Variants in ADGRB3 observed in about 807,000 individuals in gnomAD.
The protein encoded by ADGRB3 is brain-specific angiogenesis inhibitor 3.
A neutral mutation model predicts 193.4 loss-of-function variants in ADGRB3; 37 were observed. That is an observed-to-expected ratio of 0.19 (90% confidence interval 0.15 to 0.25). The LOEUF is 0.25. ADGRB3 is among the 10% of genes least tolerant of loss of function. ADGRB3 has a pLI of 1.00. For missense variants in ADGRB3, 1,637 were observed against 1,852.9 expected (o/e 0.88, Z 2.14); for synonymous variants, 690 against 644.2 (o/e 1.07, Z -1.08).
intron 3 of ADGRB3, among the ~76,000 whole-genome samples, chr6:68,919,692 T>C (rs192000856): frequency 3.4e-4 from 52 of 152,058 alleles, no homozygotes; most frequent in South Asian, 1.5e-3. Flanking sequence ...TCAAGAACGG[T>C]TGTGGGATGG....
At chr6:68,945,648 T>A (rs956455792) in intron 6 of ADGRB3, among the ~76,000 whole-genome samples, 1 of 152,112 alleles carries the variant, frequency 6.6e-6, no homozygotes, top group Admixed American at 6.6e-5. Flanking sequence ...AAATACTTTT[T>A]TGTTACTTCT....
intron 1 of ADGRB3, 41 bp from the exon 2 acceptor site, chr6:68,637,350 C>T (rs1767982736): frequency 6.6e-6 from 1 of 152,602 alleles, no homozygotes; most frequent in Admixed American, 6.5e-5. Context: ...CATGAAAACT[C>T]TTAACTATCT....
At chr6:69,347,461 G>GTTGT (rs1194489177) in intron 26 of ADGRB3, among the ~76,000 whole-genome samples, 1 of 151,976 alleles carries the variant, frequency 6.6e-6, no homozygotes, top group African/African-American at 2.4e-5. Context: ...AGATTTTTTT[G>GTTGT]TTGTTTCATT....
At chr6:68,669,604 TTGTGTGTGTGTGTGTGTG>T (rs59849376) in intron 3 of ADGRB3, among the ~76,000 whole-genome samples, 54 of 134,752 alleles carry the variant, frequency 4.0e-4, no homozygotes, top group African/African-American at 7.8e-4. Flanking sequence ...TAATACTCCA[TTGTGTGTGTGTGTGTGTG>T]TGTGTGTGTG....
intron 3 of ADGRB3, among the ~76,000 whole-genome samples, chr6:68,852,424 C>G (rs1034950561): frequency 6.6e-6 from 1 of 151,846 alleles, no homozygotes; most frequent in African/African-American, 2.4e-5. Context: ...AACAAAAATG[C>G]TCAAATTATT....
intron 12 of ADGRB3, among the ~76,000 whole-genome samples, chr6:69,014,864 T>G (rs1770044475): frequency 6.6e-6 from 1 of 151,964 alleles, no homozygotes; most frequent in Non-Finnish European, 1.5e-5. Context: ...GAATGAACAT[T>G]TACTGAGGTT....
chr6:68,744,825 G>A (rs1250517017), intron 3 of ADGRB3, among the ~76,000 whole-genome samples: 12 of 151,992 alleles, frequency 7.9e-5, no homozygotes, highest in Admixed American at 5.9e-4. Context: ...ACCATGGCAC[G>A]TGTATACCTA....
At chr6:69,017,188 C>T (rs1770117275) in intron 12 of ADGRB3, among the ~76,000 whole-genome samples, 1 of 151,882 alleles carries the variant, frequency 6.6e-6, no homozygotes, top group Admixed American at 6.6e-5. Flanking sequence ...GTAGATACTG[C>T]CTGATTTTTA....
intron 3 of ADGRB3, among the ~76,000 whole-genome samples, chr6:68,741,702 C>T (rs932143565): frequency 1.3e-5 from 2 of 152,190 alleles, no homozygotes; most frequent in Non-Finnish European, 2.9e-5. Context: ...TTCTTAACCA[C>T]TGTTTGTTAC....
chr6:68,960,763 G>C (rs557933309), intron 8 of ADGRB3, among the ~76,000 whole-genome samples: 8 of 152,220 alleles, frequency 5.3e-5, no homozygotes, highest in Middle Eastern at 3.4e-3. Flanking sequence ...ATCATCCAGA[G>C]AGCTTGTTAA....
intron 20 of ADGRB3, among the ~76,000 whole-genome samples, chr6:69,274,467 TC>T (rs774458873): frequency 1.4e-5 from 2 of 145,056 alleles, no homozygotes; most frequent in Non-Finnish European, 3.0e-5. Context: ...CTTCCTTCCT[TC>T]CTTCCTTCCT....
At chr6:68,819,177 A>T (rs1279308608) in intron 3 of ADGRB3, among the ~76,000 whole-genome samples, 1 of 151,932 alleles carries the variant, frequency 6.6e-6, no homozygotes, top group African/African-American at 2.4e-5. Context: ...TGTTAGTTAG[A>T]TGTATCCTCC....
intron 13 of ADGRB3, among the ~76,000 whole-genome samples, chr6:69,031,043 TCTCTTCTCTTCTC>T (rs1413257112): frequency 1.3e-4 from 1 of 7,536 alleles, no homozygotes. Context: ...TCTTCTCTCT[TCTCTTCTCTTCTC>T]TTCTCTTCTC....
intron 20 of ADGRB3, among the ~76,000 whole-genome samples, chr6:69,299,827 C>G (rs529322427): frequency 1.1e-4 from 17 of 151,900 alleles, no homozygotes; most frequent in African/African-American, 4.1e-4. Flanking sequence ...ATACCTCCAG[C>G]TTTCTTCTTT....
intron 3 of ADGRB3, among the ~76,000 whole-genome samples, chr6:68,896,001 T>C (rs1308089408): frequency 6.6e-6 from 1 of 151,976 alleles, no homozygotes; most frequent in South Asian, 2.1e-4. Context: ...CAATTTCACA[T>C]GGGGAAATTA....
chr6:69,370,993 G>A (rs529104062), intron 29 of ADGRB3, among the ~76,000 whole-genome samples: 2 of 152,098 alleles, frequency 1.3e-5, no homozygotes, highest in African/African-American at 4.8e-5. Flanking sequence ...CTCAATGCCT[G>A]GATGTCACCA....
intron 3 of ADGRB3, among the ~76,000 whole-genome samples, chr6:68,861,917 G>T (rs981429949): frequency 6.6e-6 from 1 of 152,126 alleles, no homozygotes; most frequent in Non-Finnish European, 1.5e-5. Flanking sequence ...TTAGAACAGT[G>T]TCTGACATTT....
chr6:69,203,082 A>G (rs1213663022), intron 17 of ADGRB3, among the ~76,000 whole-genome samples: 1 of 152,192 alleles, frequency 6.6e-6, no homozygotes, highest in Admixed American at 6.5e-5. Flanking sequence ...TAAAGGATAG[A>G]GTACTGAGGT....
intron 17 of ADGRB3, among the ~76,000 whole-genome samples, chr6:69,147,075 T>C (rs1205323340): frequency 6.6e-6 from 1 of 152,052 alleles, no homozygotes; most frequent in East Asian, 1.9e-4. Context: ...GGTTTTTTTA[T>C]CTTTTATTAA....
Sources: allele counts gnomAD v4.1 joint callset (sites outside exome capture counted in the v4.1 genomes callset), GRCh38; gene constraint gnomAD v4.1.1; transcripts MANE v1.5; gene names NCBI Gene and HGNC (gene_info 2026-07-23, HGNC 2026-07-21).